Variants in CLCN6 observed in about 807,000 individuals in gnomAD.
The protein encoded by CLCN6 is Cl-/H+ antiporter 6.
CLCN6 carries 70 observed loss-of-function variants against 109.8 expected under a neutral mutation model. The ratio of observed to expected loss-of-function variants is 0.64; its 90% confidence interval spans 0.53 to 0.78. The LOEUF (loss-of-function observed/expected upper bound fraction) is 0.78. CLCN6 is among the 30% of genes least tolerant of loss of function. CLCN6 has a pLI of 0.00. For synonymous variants in CLCN6, 444 were observed against 447.8 expected (o/e 0.99, Z 0.11); for missense variants, 984 against 1,142.3 (o/e 0.86, Z 2.00).
At chr1:11,826,286 C>G (rs929000626) in intron 9 of CLCN6, 72 bp downstream of exon 9, 14 of 1,246,824 alleles carry the variant, frequency 1.1e-5, no homozygotes, top group Non-Finnish European at 1.7e-5. Flanking sequence ...AGACTCGACA[C>G]TTGCTCTAGC....
chr1:11,842,536 G>C lies in CLCN6; in HGVS notation c.*2313G>C, dbSNP rs1645037917. 1 of 152,736 alleles carries C rather than the reference G, an allele frequency of 6.5e-6. No homozygotes were observed. The highest frequency in any genetic ancestry group is 2.1e-4 in the South Asian group (1 of 4,834). 9.5% of individuals were successfully genotyped at this position (152,736 alleles called of 1,614,324 possible). On this transcript the variant is annotated 3_prime_UTR_variant, in exon 23 of 23. Coordinates refer to ENST00000346436, the MANE Select transcript of CLCN6 (RefSeq NM_001286.5). ...TGTCCATTAGAAACCAGCCTTTTCA[G>C]CATCTCACCCATTAGCAGCCCCATC...
chr1:11,832,529 T>C (rs1644894551), intron 13 of CLCN6, among the ~76,000 whole-genome samples: 1 of 152,252 alleles, frequency 6.6e-6, no homozygotes, highest in Non-Finnish European at 1.5e-5. Context: ...CAGTGCCAGG[T>C]GCTGCCAGTC....
chr1:11,819,430 C>T lies in CLCN6; in HGVS notation c.280-58C>T, dbSNP rs999469238. ...TGCCTTCAAGAGGAGCACACCTGTA[C>T]TATACTTGTGCTACACTTGGAAATA... On this transcript the variant is annotated intron_variant, in intron 4 of 22. Coordinates refer to ENST00000346436, the MANE Select transcript of CLCN6 (RefSeq NM_001286.5). 22 of 1,484,006 alleles carry T rather than the reference C, an allele frequency of 1.5e-5. No homozygotes were observed. In the East Asian group the frequency reaches 4.1e-4, roughly 27 times the overall value. 91.9% of individuals were successfully genotyped at this position (1,484,006 alleles called of 1,614,324 possible). A position where few individuals can be genotyped will look rare whatever the true frequency, so the allele number is the denominator to read the frequency against.
rs775251730 is a variant in CLCN6, at chr1:11,807,134, A to G, written c.91A>G (p.Ile31Val). ...RETRTPEELT[I>V]LGETQEEEDE... ...CTCTGCGGATCTGTTTTTCTAGACC[A>G]TCCTTGGAGAAACACAGGAGGAGGA... Residue 31 changes from isoleucine to valine, a missense_variant, in exon 2 of 23, where the codon ATC (isoleucine) becomes GTC (valine). By Grantham distance (29) the Ile-to-Val change is conservative (BLOSUM62 3). Coordinates refer to ENST00000346436, the MANE Select transcript of CLCN6 (RefSeq NM_001286.5). 1.5e-5 allele frequency: 25 copies of G among 1,614,052 alleles called. No individual in the cohort carries two copies. Among genetic ancestry groups the G allele is most frequent in the Non-Finnish European group, 2.0e-5 (24 of 1,179,994 alleles).
At chr1:11,820,220 T>A in intron 5 of CLCN6, 1 of 535,222 alleles carries the variant, frequency 1.9e-6, no homozygotes, top group Non-Finnish European at 3.4e-6. Context: ...ACTTAGGAGG[T>A]GAGCCCAGGA....
At position 11,832,510 on chromosome 1, in the gene CLCN6, A is replaced by C. The variant is rs914011825; in HGVS notation, c.1249-1005A>C. 5.3e-5 allele frequency among the ~76,000 whole-genome samples: 8 copies of C among 152,364 alleles called. No individual in the cohort carries two copies. In the East Asian group the frequency reaches 1.3e-3, roughly 26 times the overall value. On this transcript the variant is annotated intron_variant, in intron 13 of 22. Coordinates refer to ENST00000346436, the MANE Select transcript of CLCN6 (RefSeq NM_001286.5). ...ACTCCACAACGCTGAGGCTCTGCAC[A>C]TGGCTCACCAGTGCCAGGTGCTGCC...
chr1:11,807,384 G>A (rs542929083), intron 2 of CLCN6, among the ~76,000 whole-genome samples, 194 bp downstream of exon 2: 1 of 152,330 alleles, frequency 6.6e-6, no homozygotes, highest in East Asian at 1.9e-4. Context: ...AACAAGGTCT[G>A]GTGTTTTTAC....
intron 2 of CLCN6, among the ~76,000 whole-genome samples, chr1:11,813,345 A>C (rs543606679): frequency 1.3e-5 from 2 of 152,286 alleles, no homozygotes; most frequent in East Asian, 3.9e-4. Context: ...CTAGTTTCTA[A>C]AAGTACTTTT....
In CLCN6 at chr1:11,834,688, T is replaced by C; in HGVS notation, c.1793+98T>C. 1 of 1,048,236 alleles carries C rather than the reference T, an allele frequency of 9.5e-7. No homozygotes were observed. The highest frequency in any genetic ancestry group is 1.4e-6 in the Non-Finnish European group (1 of 695,088). 64.9% of individuals were successfully genotyped at this position (1,048,236 alleles called of 1,614,324 possible). On this transcript the variant is annotated intron_variant, in intron 17 of 22. Transcript: ENST00000346436. The surrounding 1 kb of genome is among the most constrained non-coding windows in gnomAD (Gnocchi z 4.5). ...AGGGTAGGAAACAGTAACTCACTTT[T>C]CTTGGGCTGAAAGAAGCAACACACC...
intron 8 of CLCN6, among the ~76,000 whole-genome samples, chr1:11,825,917 G>A (rs548870482): frequency 6.6e-6 from 1 of 152,312 alleles, no homozygotes; most frequent in Admixed American, 6.5e-5. Flanking sequence ...TGAGCCATGA[G>A]CTACCACGCC....
Position 11,838,716 on chromosome 1 carries a change from G to A in CLCN6, c.2529+56G>A, listed in dbSNP as rs754158151. 24 of 1,612,956 alleles carry A rather than the reference G, an allele frequency of 1.5e-5. No homozygotes were observed. The African/African-American group carries it at 2.7e-4, about 18-fold the overall frequency. ...TTGAGAGAGGATCCCCTAGCCAGGT[G>A]CTGTTTGTGCACCCAGGCTTCTCAC... On this transcript the variant is annotated intron_variant, in intron 22 of 22. Transcript: ENST00000346436.
At position 11,836,094 on chromosome 1, in the gene CLCN6, G is replaced by A. The variant is rs759368435; in HGVS notation, c.1921G>A (p.Gly641Ser). Residue 641 changes from glycine to serine, a missense_variant, in exon 18 of 23, where the codon GGT becomes AGT. Physicochemically the swap from Gly to Ser is moderately conservative, Grantham distance 56. Coordinates refer to ENST00000346436, the MANE Select transcript of CLCN6 (RefSeq NM_001286.5). ...HAFPVVTENR[G>S]NEKEFMKGNQ... ...CTTCCCGGTGGTCACAGAGAACCGC[G>A]GTAACGAGAAGGAGTTCATGAAGGG... 65 of 1,613,596 alleles carry A rather than the reference G, an allele frequency of 4.0e-5. No individual in the cohort carries two copies. Among genetic ancestry groups the A allele is most frequent in the East Asian group, 2.2e-5 (1 of 44,868 alleles).
intron 2 of CLCN6, among the ~76,000 whole-genome samples, chr1:11,808,062 G>A (rs1236258382): frequency 6.6e-6 from 1 of 151,964 alleles, no homozygotes; most frequent in East Asian, 1.9e-4. Flanking sequence ...TTATTATGAA[G>A]GATTTCAACT....
At chr1:11,833,469 C>T in intron 13 of CLCN6, 46 bp from the exon 14 acceptor site, 2 of 1,604,478 alleles carry the variant, frequency 1.2e-6, no homozygotes, top group Non-Finnish European at 1.7e-6. Flanking sequence ...CTTGAAGACT[C>T]AAAGTCAGGT....
intron 2 of CLCN6, among the ~76,000 whole-genome samples, chr1:11,809,570 A>C (rs1049586221): frequency 1.6e-4 from 24 of 151,894 alleles, no homozygotes; most frequent in African/African-American, 5.8e-4. Flanking sequence ...CTGTTCTCCT[A>C]CCTCAGCCTC....
intron 2 of CLCN6, among the ~76,000 whole-genome samples, chr1:11,812,677 T>TG (rs1237736295): frequency 1.2e-4 from 17 of 146,024 alleles, no homozygotes; most frequent in African/African-American, 4.3e-4. Context: ...TGTGTGTGTG[T>TG]GTGTGTGTGT....
At chr1:11,815,087 T>C (rs996423592) in intron 2 of CLCN6, among the ~76,000 whole-genome samples, 2 of 152,120 alleles carry the variant, frequency 1.3e-5, no homozygotes, top group African/African-American at 4.8e-5. Flanking sequence ...CCATGTTAGT[T>C]TGTCTTGTGA....
chr1:11,830,783 T>TACACAC (rs71585869), intron 13 of CLCN6, among the ~76,000 whole-genome samples: 12 of 137,840 alleles, frequency 8.7e-5, no homozygotes, highest in East Asian at 6.1e-4. Flanking sequence ...ACACTATATA[T>TACACAC]ACACACACAC....
chr1:11,822,576 A>G lies in CLCN6; in HGVS notation c.347-119A>G, dbSNP rs969096016. On this transcript the variant is annotated intron_variant, in intron 5 of 22. Coordinates refer to ENST00000346436, the MANE Select transcript of CLCN6 (RefSeq NM_001286.5). ...CAGTTTTTAAAAAATTTTTATATAT[A>G]GAGAAAAAGTGCACTCAGCAGCCAG... The G allele has an allele frequency of 4.9e-6, 3 of 609,710 alleles. No homozygotes were observed. The Admixed American group carries it at 8.0e-5, about 16-fold the overall frequency. The allele number at this position is 609,710 out of a possible 1,614,324, so 37.8% of individuals were successfully genotyped here.
Sources: gnomAD v4.1 joint callset for allele counts (sites outside exome capture counted in the v4.1 genomes callset) on GRCh38, gnomAD v4.1.1 for gene constraint, Gnocchi (gnomAD v3.1) non-coding constraint, MANE v1.5 for transcripts, NCBI Gene and HGNC (gene_info 2026-07-23, HGNC 2026-07-21) for gene names.